Variants in KCNMB2 observed in about 807,000 individuals in gnomAD.
KCNMB2 encodes calcium-activated potassium channel subunit beta-2.
A neutral mutation model predicts 24.5 loss-of-function variants in KCNMB2; 9 were observed. The observed-to-expected ratio is 0.37, with a 90% confidence interval of 0.22 to 0.64. The LOEUF (loss-of-function observed/expected upper bound fraction) is 0.64. Among genes scored for constraint, KCNMB2 ranks in the 30% least tolerant of loss-of-function variants. The pLI is 0.63. For synonymous variants in KCNMB2, 109 were observed against 104.4 expected (o/e 1.04, Z -0.27); for missense variants, 226 against 284.3 (o/e 0.79, Z 1.47).
intron 4 of KCNMB2, chr3:178,841,580 C>T (rs1261118301): frequency 6.6e-6 from 1 of 152,188 alleles, no homozygotes; most frequent in Admixed American, 6.5e-5. Context: ...AGGGAACTTA[C>T]AGTCATGGCA....
intron 1 of KCNMB2, among the ~76,000 whole-genome samples, chr3:178,673,953 A>T (rs990451241): frequency 6.6e-6 from 1 of 152,112 alleles, no homozygotes; most frequent in African/African-American, 2.4e-5. Flanking sequence ...TAACCACTCT[A>T]CCAATCGTTT....
At chr3:178,671,756 C>T (rs548277491) in intron 1 of KCNMB2, among the ~76,000 whole-genome samples, 3 of 152,254 alleles carry the variant, frequency 2.0e-5, no homozygotes, top group East Asian at 1.9e-4. Context: ...TCCTTAAGTG[C>T]ACTTTTCTGA....
At chr3:178,801,786 T>C (rs1453102255) in intron 1 of KCNMB2, 1 of 152,184 alleles carries the variant, frequency 6.6e-6, no homozygotes, top group Non-Finnish European at 1.5e-5. Flanking sequence ...ACAACTATTA[T>C]ATATACCTGC....
intron 1 of KCNMB2, among the ~76,000 whole-genome samples, chr3:178,757,719 T>C (rs1344245214): frequency 1.3e-5 from 1 of 79,648 alleles, no homozygotes; most frequent in Non-Finnish European, 2.4e-5. Context: ...GATATATATA[T>C]GTATATATAT....
chr3:178,701,173 A>G (rs1313653323), intron 1 of KCNMB2, among the ~76,000 whole-genome samples: 1 of 152,232 alleles, frequency 6.6e-6, no homozygotes, highest in Non-Finnish European at 1.5e-5. Context: ...CTTTCTACAT[A>G]CGGCTAGCCA....
intron 1 of KCNMB2, among the ~76,000 whole-genome samples, chr3:178,786,799 C>T (rs148155269): frequency 6.9e-6 from 1 of 145,942 alleles, no homozygotes; most frequent in African/African-American, 2.5e-5. Context: ...TATGACTCAC[C>T]TAAAGCCAAA....
At position 178,629,241 on chromosome 3, in the gene KCNMB2, T is replaced by C. The variant is rs7623144; in HGVS notation, c.-68+92530T>C. 8.8e-3 allele frequency among the ~76,000 whole-genome samples: 1,347 copies of C among 152,272 alleles called. 18 individuals are homozygous for C. The highest frequency in any genetic ancestry group is 0.031 in the African/African-American group (1,293 of 41,560). ...AGTCTTACATTTTTCTGCATTTATA[T>C]ATCTGTTCATTCTACTCATCTGGAT... On this transcript the variant is annotated intron_variant, in intron 1 of 4. Coordinates refer to ENST00000452583, the MANE Select transcript of KCNMB2 (RefSeq NM_181361.3).
intron 1 of KCNMB2, among the ~76,000 whole-genome samples, chr3:178,596,229 A>C (rs150642915): frequency 1.3e-5 from 2 of 152,274 alleles, no homozygotes; most frequent in Admixed American, 6.5e-5. Flanking sequence ...CCAGTTGCAG[A>C]TGATCTATTT....
chr3:178,604,328 T>G (rs1243902597), intron 1 of KCNMB2, among the ~76,000 whole-genome samples: 3 of 150,988 alleles, frequency 2.0e-5, no homozygotes, highest in Non-Finnish European at 3.0e-5. Context: ...ATATGGAAAA[T>G]AATGCTACAA....
At chr3:178,623,115 T>C (rs536570692) in intron 1 of KCNMB2, among the ~76,000 whole-genome samples, 29 of 152,268 alleles carry the variant, frequency 1.9e-4, no homozygotes, top group Middle Eastern at 3.4e-3. Flanking sequence ...AAAAAATGAT[T>C]AAAGCCACAG....
At chr3:178,569,024 T>C (rs1277362924) in intron 1 of KCNMB2, among the ~76,000 whole-genome samples, 1 of 152,158 alleles carries the variant, frequency 6.6e-6, no homozygotes, top group African/African-American at 2.4e-5. Context: ...ATGAATCATA[T>C]TGGCTTATAT....
At chr3:178,730,902 G>C (rs1723129595) in intron 1 of KCNMB2, among the ~76,000 whole-genome samples, 1 of 151,994 alleles carries the variant, frequency 6.6e-6, no homozygotes, top group Non-Finnish European at 1.5e-5. Flanking sequence ...ATCTAAAACA[G>C]TACCCCCTCT....
chr3:178,648,236 A>G (rs1719988576), intron 1 of KCNMB2, among the ~76,000 whole-genome samples: 1 of 152,172 alleles, frequency 6.6e-6, no homozygotes, highest in African/African-American at 2.4e-5. Context: ...CAAAAATATT[A>G]TGTCATAAAT....
chr3:178,841,801 T>A (rs1035765960), intron 4 of KCNMB2, among the ~76,000 whole-genome samples: 3 of 152,168 alleles, frequency 2.0e-5, no homozygotes, highest in Admixed American at 6.5e-5. Context: ...CAAGTGAGAT[T>A]TGGGTGGAGA....
At chr3:178,676,540 A>G (rs952236124) in intron 1 of KCNMB2, among the ~76,000 whole-genome samples, 8 of 152,142 alleles carry the variant, frequency 5.3e-5, no homozygotes, top group African/African-American at 1.9e-4. Context: ...TCTACAAGGG[A>G]GCATCCTGGG....
At chr3:178,552,737 A>C (rs990997992) in intron 1 of KCNMB2, among the ~76,000 whole-genome samples, 1 of 152,218 alleles carries the variant, frequency 6.6e-6, no homozygotes, top group Non-Finnish European at 1.5e-5. Context: ...TCTAAATTAT[A>C]GGAATTCAAA....
intron 2 of KCNMB2, among the ~76,000 whole-genome samples, chr3:178,818,908 C>G (rs13077845): frequency 2.9e-5 from 4 of 139,952 alleles, no homozygotes; most frequent in Non-Finnish European, 6.0e-5. Flanking sequence ...TACCTCTATT[C>G]TCTTATATTC....
chr3:178,688,785 G>A lies in KCNMB2; in HGVS notation c.-67-118558G>A, dbSNP rs1278576003. Among the ~76,000 whole-genome samples, 3 of 152,028 alleles carry A rather than the reference G, an allele frequency of 2.0e-5. No homozygotes were observed. The East Asian group carries it at 5.8e-4, about 29-fold the overall frequency. On this transcript the variant is annotated intron_variant, in intron 1 of 4. Transcript: ENST00000452583. ...CATAGGCTTTAATTTTTGTGGAAGG[G>A]CCAAAAGAAAGTTATTGAACATGAG...
At chr3:178,545,128 G>C (rs940181408) in intron 1 of KCNMB2, among the ~76,000 whole-genome samples, 4 of 152,068 alleles carry the variant, frequency 2.6e-5, no homozygotes, top group African/African-American at 9.7e-5. Flanking sequence ...AGAAGGGGAA[G>C]GAAAGAGCAG....
Sources: allele counts gnomAD v4.1 joint callset (sites outside exome capture counted in the v4.1 genomes callset), GRCh38; gene constraint gnomAD v4.1.1; transcripts MANE v1.5; gene names NCBI Gene and HGNC (gene_info 2026-07-23, HGNC 2026-07-21).